MTSS2: variants seen among roughly 807,000 people sequenced by gnomAD.
The protein encoded by MTSS2 is protein MTSS 2.
In MTSS2, 27 loss-of-function variants were observed where a neutral mutation model predicts 67.1. The ratio of observed to expected loss-of-function variants is 0.40; its 90% CI spans 0.30 to 0.55. The LOEUF (loss-of-function observed/expected upper bound fraction) is 0.55, where lower values mean the gene tolerates loss of function less well. Ranked by LOEUF, MTSS2 falls within the 20% of genes least tolerant of loss-of-function variation. The pLI, the probability that MTSS2 is intolerant of heterozygous loss-of-function variation, is 0.43. For missense variants in MTSS2, 1,171 were observed against 1,067.8 expected, an observed-to-expected ratio of 1.10 and a Z score of -1.35; for synonymous variants, 624 against 468.6, an observed-to-expected ratio of 1.33 and a Z score of -4.28.
At chr16:70,665,645 G>A (rs761149393) in intron 11 of MTSS2, 105 bp from the exon 12 acceptor site, 16 of 977,032 alleles carry the variant, frequency 1.6e-5, no homozygotes, top group African/African-American at 6.5e-5. Context: ...GCAGGGGGGC[G>A]GTTCAATTCA....
chr16:70,664,311 G>T lies in MTSS2; in HGVS notation c.1610C>A (p.Ala537Asp). The T allele has an allele frequency of 2.5e-6, 4 of 1,589,718 alleles. No individual in the cohort carries two copies. Among genetic ancestry groups the T allele is most frequent in the Non-Finnish European group, 3.4e-6 (4 of 1,171,180 alleles). Residue 537 changes from alanine to aspartate, a missense_variant, in exon 15 of 15, where the codon GCC becomes GAC. By Grantham distance (126) the Ala-to-Asp change is moderately radical. Transcript: ENST00000338779. Reference protein sequence around the residue: ...YRRLIQTKRPASTAGLPTAGL... With the variant: ...YRRLIQTKRPDSTAGLPTAGL... ...CGCGGTGGGCAGCCCAGCAGTGGAG[G>T]CTGGGCGCTTGGTCTGGATCAGGCG...
chr16:70,679,481 TC>T, intron 6 of MTSS2, 148 bp downstream of exon 6: 1 of 1,193,426 alleles, frequency 8.4e-7, no homozygotes. Flanking sequence ...GAAGGGCAGC[TC>T]CCTCTGTCCC....
At chr16:70,673,965 T>A (rs1481025894) in intron 11 of MTSS2, among the ~76,000 whole-genome samples, 1 of 151,540 alleles carries the variant, frequency 6.6e-6, no homozygotes, top group East Asian at 1.9e-4. Flanking sequence ...TCAGGACAAA[T>A]AGAAAGAAGA....
chr16:70,663,914 G>A lies in MTSS2; in HGVS notation c.2007C>T (p.Ala669=). Residue 669 remains alanine, a synonymous_variant, in exon 15 of 15, where the codon GCC becomes GCT. Transcript: ENST00000338779. ...GCTTCTCCACCAGGCTGTGCCGGTT[G>A]GCCGCCAGCTGCTGCTGCTCGTCCT... The part of the protein sequence containing the change: ...GAEDEQQQLA[A]NRHSLVEKLG... The A allele has an allele frequency of 6.4e-7, 1 of 1,550,406 alleles. No individual in the cohort carries two copies. The highest frequency in any genetic ancestry group is 8.7e-7 in the Non-Finnish European group (1 of 1,149,846).
intron 11 of MTSS2, among the ~76,000 whole-genome samples, chr16:70,672,528 C>T (rs1051126381): frequency 2.0e-5 from 3 of 151,126 alleles, no homozygotes; most frequent in Non-Finnish European, 4.4e-5. Context: ...TTGGTGGTTA[C>T]ATAAAGTAAG....
At chr16:70,680,918 G>GGGGGGGGGGGGC in intron 2 of MTSS2, 46 bp downstream of exon 2, 1 of 1,097,926 alleles carries the variant, frequency 9.1e-7, no homozygotes, top group African/African-American at 1.6e-5. Flanking sequence ...CGGGGGGGGG[G>GGGGGGGGGGGGC]CCTCTGCCTG....
intron 11 of MTSS2, among the ~76,000 whole-genome samples, chr16:70,669,818 TA>T (rs3058050): frequency 4.8e-5 from 7 of 145,902 alleles, no homozygotes; most frequent in South Asian, 2.2e-4. Context: ...CTCTGTCTCA[TA>T]AAAAAAAAAG....
rs766327025 is a variant in MTSS2 at position 70,679,775 on chromosome 16, G to A, written c.382+11C>T. On this transcript the variant is annotated intron_variant, in intron 5 of 14. Transcript: ENST00000338779. ...TGGGGGGTGGGAAGCCCGGCTCCGCGCCACCCTCACCTTTCGCGTGGTCCT... is the reference window on the plus strand; with the variant it reads ...TGGGGGGTGGGAAGCCCGGCTCCGCACCACCCTCACCTTTCGCGTGGTCCT... 21 of 1,611,054 alleles carry A rather than the reference G, an allele frequency of 1.3e-5. No homozygotes were observed. In the South Asian group the frequency reaches 2.0e-4, roughly 15 times the overall value.
At chr16:70,668,081 C>G (rs2052788903) in intron 11 of MTSS2, among the ~76,000 whole-genome samples, 1 of 149,408 alleles carries the variant, frequency 6.7e-6, no homozygotes, top group South Asian at 2.1e-4. Flanking sequence ...AAAAAAATAA[C>G]CAAGCTAGGG....
intron 7 of MTSS2, among the ~76,000 whole-genome samples, chr16:70,679,068 C>G (rs1258207793): frequency 2.0e-5 from 3 of 152,276 alleles, no homozygotes; most frequent in African/African-American, 7.2e-5. Context: ...CCTGTGGCCC[C>G]CATCCCGCCC....
At chr16:70,679,606 C>T (rs749299270) in intron 6 of MTSS2, 24 bp downstream of exon 6, 1 of 1,579,444 alleles carries the variant, frequency 6.3e-7, no homozygotes, top group South Asian at 1.2e-5. Flanking sequence ...GGGGCTGTGG[C>T]TGGGGGGCCG....
chr16:70,676,433 C>T (rs145025482), intron 10 of MTSS2, among the ~76,000 whole-genome samples: 1 of 152,316 alleles, frequency 6.6e-6, no homozygotes, highest in East Asian at 1.9e-4. Flanking sequence ...TTTCTAGAAG[C>T]CTTCCCATCT....
intron 13 of MTSS2, 41 bp from the exon 14 acceptor site, chr16:70,664,804 A>G (rs757863025): frequency 2.6e-6 from 4 of 1,561,318 alleles, no homozygotes; most frequent in East Asian, 2.3e-5. Context: ...TGCGCCCCCA[A>G]TCCCCTCTGC....
chr16:70,664,893 C>G, intron 13 of MTSS2, 27 bp downstream of exon 13: 1 of 1,525,942 alleles, frequency 6.6e-7, no homozygotes, highest in South Asian at 1.2e-5. Context: ...CTGACCTGGG[C>G]GTGAAGGGGG....
In MTSS2 at chr16:70,663,785, TG is replaced by T; in HGVS notation, c.2135del (p.Pro712GlnfsTer56). ...CGGCCGGGGGGTCGCTGGTGGCGGCTGGGGGTGGGGTGGGCGTCTCCTCCGT... is the reference window on the plus strand; with the variant it reads ...CGGCCGGGGGGTCGCTGGTGGCGGCTGGGGTGGGGTGGGCGTCTCCTCCGT... Reference protein sequence around the residue: ...TPTEETPTPPPAATSDPPAED... With the variant: ...TPTEETPTPPXAATSDPPAED... On this transcript the variant is annotated frameshift_variant, in exon 15 of 15. Transcript: ENST00000338779. LOFTEE classifies it low-confidence loss of function (END_TRUNC). 7.9e-7 allele frequency: 1 copy of T among 1,262,026 alleles called. No homozygotes were observed. Among genetic ancestry groups the T allele is most frequent in the East Asian group, 3.8e-5 (1 of 26,190 alleles). 78.2% of individuals were successfully genotyped at this position (1,262,026 alleles called of 1,614,324 possible). A position where few individuals can be genotyped will look rare whatever the true frequency, so the allele number is the denominator to read the frequency against.
At position 70,677,897 on chromosome 16, in the gene MTSS2, A is replaced by G; in HGVS notation, c.627T>C (p.Asn209=). 6.2e-7 allele frequency: 1 copy of G among 1,603,184 alleles called. No individual in the cohort carries two copies. The highest frequency in any genetic ancestry group is 8.5e-7 in the Non-Finnish European group (1 of 1,175,734). The change falls in exon 9 of 15, where the codon AAT becomes AAC. Residue 209 remains asparagine (N), a splice_region_variant and synonymous_variant. Transcript: ENST00000338779. ...TCTCTCCCAGCATGGTCAGCTCTCC[A>G]TTCTGAGGAAGCAGCGAGTCAGACC... The part of the protein sequence containing the change: ...TFITFLQPVV[N]GELTMLGEIT...
In MTSS2 at chr16:70,664,058, C is replaced by T. The variant is rs139707506; in HGVS notation, c.1863G>A (p.Glu621=). 8 of 1,610,878 alleles carry T rather than the reference C, an allele frequency of 5.0e-6. No individual in the cohort carries two copies. The African/African-American group carries it at 9.3e-5, about 19-fold the overall frequency. ...GSEECVFYTD[E]TASPLAPDLA... ...GGTCCGGTGCCAGGGGTGAGGCGGT[C>T]TCGTCGGTATAGAAGACGCACTCCT... Residue 621 remains glutamate (E), a synonymous_variant, in exon 15 of 15, where the codon GAG becomes GAA. Coordinates refer to ENST00000338779, the MANE Select transcript of MTSS2 (RefSeq NM_138383.3).
chr16:70,675,347 C>T (rs144767725), intron 10 of MTSS2, among the ~76,000 whole-genome samples: 8 of 151,270 alleles, frequency 5.3e-5, no homozygotes, highest in East Asian at 3.9e-4. Context: ...CGCTTGAACC[C>T]GGGAGGTCGA....
intron 3 of MTSS2, among the ~76,000 whole-genome samples, chr16:70,680,449 C>T: frequency 6.8e-6 from 1 of 146,676 alleles, no homozygotes; most frequent in South Asian, 2.2e-4. Context: ...CGGCGCCAAG[C>T]CCAACGGCGC....
Sources: allele counts gnomAD v4.1 joint callset (sites outside exome capture counted in the v4.1 genomes callset), GRCh38; gene constraint gnomAD v4.1.1; transcripts MANE v1.5; gene names NCBI Gene and HGNC (gene_info 2026-07-23, HGNC 2026-07-21).